The following CHRM3 variants were observed in gnomAD, a reference collection of about 807,000 sequenced individuals.
CHRM3 encodes muscarinic acetylcholine receptor M3.
A neutral mutation model predicts 41.8 loss-of-function variants in CHRM3; 11 were observed. That is an observed-to-expected ratio of 0.26 (90% CI 0.17 to 0.44). CHRM3 has a LOEUF of 0.44. Among genes scored for constraint, CHRM3 ranks in the 20% least tolerant of loss-of-function variants. The probability of loss-of-function intolerance (pLI) is 1.00; values close to 1 mark genes in which losing one functional copy is unlikely to be tolerated. For missense variants in CHRM3, 571 were observed against 745.4 expected (o/e 0.77, Z 2.72); for synonymous variants, 297 against 301.4 (o/e 0.99, Z 0.15).
chr1:239,761,963 G>C (rs1214491786), intron 5 of CHRM3, among the ~76,000 whole-genome samples: 2 of 152,114 alleles, frequency 1.3e-5, no homozygotes, highest in African/African-American at 4.8e-5. Context: ...TCCCTTCCCT[G>C]CACTGCAGCC....
chr1:239,640,586 G>A (rs959133011), intron 4 of CHRM3, among the ~76,000 whole-genome samples: 1 of 151,926 alleles, frequency 6.6e-6, no homozygotes, highest in Admixed American at 6.6e-5. Context: ...ATGGTAGTTT[G>A]TATTTCTGTG....
intron 1 of CHRM3, among the ~76,000 whole-genome samples, chr1:239,481,897 T>C (rs1666878237): frequency 6.6e-6 from 1 of 151,902 alleles, no homozygotes; most frequent in Admixed American, 6.6e-5. Context: ...TACTGTGGAG[T>C]GGAGGGAAGT....
chr1:239,509,386 T>TA (rs1668779611), intron 2 of CHRM3, among the ~76,000 whole-genome samples: 3 of 152,184 alleles, frequency 2.0e-5, no homozygotes, highest in African/African-American at 7.2e-5. Flanking sequence ...TATTTCTGTT[T>TA]ATATAAAGAG....
At chr1:239,854,235 A>T (rs962663651) in intron 6 of CHRM3, among the ~76,000 whole-genome samples, 9 of 152,094 alleles carry the variant, frequency 5.9e-5, no homozygotes, top group Admixed American at 2.6e-4. Flanking sequence ...TTGGAATATG[A>T]TTTTATTCTT....
chr1:239,394,907 C>T (rs545914558), intron 1 of CHRM3, among the ~76,000 whole-genome samples: 2 of 152,202 alleles, frequency 1.3e-5, no homozygotes, highest in East Asian at 1.9e-4. Context: ...TTACACTCAC[C>T]GAACAGCAAT....
intron 3 of CHRM3, among the ~76,000 whole-genome samples, chr1:239,581,470 G>GGGGGGGGGGGGGCCCCA: frequency 1.4e-5 from 1 of 72,126 alleles, no homozygotes; most frequent in South Asian, 4.6e-4. Context: ...GGGTGGGGGG[G>GGGGGGGGGGGGGCCCCA]ATGTATGTAT....
chr1:239,862,660 A>G (rs890765874), intron 6 of CHRM3, among the ~76,000 whole-genome samples: 6 of 152,204 alleles, frequency 3.9e-5, no homozygotes, highest in Non-Finnish European at 8.8e-5. Context: ...AGTACCTATT[A>G]TTTAGTAACA....
At chr1:239,675,339 G>C (rs1023934877) in intron 4 of CHRM3, among the ~76,000 whole-genome samples, 1 of 152,064 alleles carries the variant, frequency 6.6e-6, no homozygotes, top group Non-Finnish European at 1.5e-5. Context: ...TTGTTTTTCT[G>C]CTTCTTTGTC....
At chr1:239,831,349 G>A (rs1265271619) in intron 6 of CHRM3, among the ~76,000 whole-genome samples, 2 of 152,142 alleles carry the variant, frequency 1.3e-5, no homozygotes, top group Non-Finnish European at 2.9e-5. Flanking sequence ...CAAAACAGGA[G>A]AGCAGCCAAC....
intron 4 of CHRM3, among the ~76,000 whole-genome samples, chr1:239,650,650 G>C (rs184502248): frequency 1.4e-3 from 215 of 152,262 alleles, no homozygotes; most frequent in South Asian, 4.1e-3. Context: ...TTTCATTTGA[G>C]ATGATAAATT....
chr1:239,631,401 T>G (rs1382831828), intron 3 of CHRM3, among the ~76,000 whole-genome samples: 1 of 152,112 alleles, frequency 6.6e-6, no homozygotes, highest in Non-Finnish European at 1.5e-5. Context: ...CTCTTTTCAT[T>G]TGGTGTCACC....
chr1:239,655,543 A>G (rs961373859), intron 4 of CHRM3, among the ~76,000 whole-genome samples: 4 of 152,164 alleles, frequency 2.6e-5, no homozygotes, highest in African/African-American at 7.2e-5. Context: ...TAGAGCCCCA[A>G]ATTAAACATA....
chr1:239,848,845 G>T (rs117906323), intron 6 of CHRM3, among the ~76,000 whole-genome samples: 2 of 152,182 alleles, frequency 1.3e-5, no homozygotes, highest in East Asian at 3.9e-4. Flanking sequence ...ACTAACTATG[G>T]TATAAACGTG....
intron 1 of CHRM3, among the ~76,000 whole-genome samples, chr1:239,428,962 T>G (rs1228067317): frequency 6.6e-6 from 1 of 152,236 alleles, no homozygotes; most frequent in South Asian, 2.1e-4. Flanking sequence ...TAGCTGTTTC[T>G]GAGTATTTAT....
chr1:239,528,908 A>G (rs750551143), intron 2 of CHRM3, among the ~76,000 whole-genome samples: 1 of 152,236 alleles, frequency 6.6e-6, no homozygotes, highest in Non-Finnish European at 1.5e-5. Flanking sequence ...AGCAACAACA[A>G]CAAAAAAGAA....
intron 5 of CHRM3, among the ~76,000 whole-genome samples, chr1:239,752,406 G>T (rs912680419): frequency 6.6e-6 from 1 of 152,166 alleles, no homozygotes; most frequent in Non-Finnish European, 1.5e-5. Context: ...AGGTTGTAAG[G>T]AAATTGCCTG....
chr1:239,763,084 A>G (rs1666931787), intron 5 of CHRM3, among the ~76,000 whole-genome samples: 1 of 152,200 alleles, frequency 6.6e-6, no homozygotes, highest in South Asian at 2.1e-4. Context: ...GGAACCCATG[A>G]GGAAATCTTA....
At chr1:239,550,385 G>A (rs759632448) in intron 3 of CHRM3, among the ~76,000 whole-genome samples, 26 of 152,094 alleles carry the variant, frequency 1.7e-4, no homozygotes, top group Admixed American at 1.4e-3. Context: ...CCTCACTATG[G>A]TGTTAGCTGG....
Position 239,907,831 on chromosome 1 carries a change from C to T in CHRM3, c.380C>T (p.Thr127Ile). ...GTCATTTCAATGAATCTGTTTACGA[C>T]CTACATCATCATGAATCGATGGGCC... The part of the protein sequence containing the change: ...IGVISMNLFT[T>I]YIIMNRWALG... The change falls in exon 7 of 7, where the codon ACC (threonine) becomes ATC (isoleucine). Residue 127 changes from threonine to isoleucine, a missense_variant. Physicochemically the swap from Thr to Ile is moderately conservative, Grantham distance 89. Around this residue, in one of 5 missense-constraint regions of CHRM3, gnomAD observed 153 missense variants for 296.3 expected, o/e 0.52. Transcript: ENST00000676153. This position sits in a 1 kb window ranked among gnomAD's most constrained non-coding sequence, Gnocchi z 5.4. The T allele has an allele frequency of 6.2e-7, 1 of 1,614,218 alleles. No homozygotes were observed. Among genetic ancestry groups the T allele is most frequent in the South Asian group, 1.1e-5 (1 of 91,084 alleles).
Sources: allele counts gnomAD v4.1 joint callset (sites outside exome capture counted in the v4.1 genomes callset), GRCh38; gene constraint gnomAD v4.1.1; regional missense constraint gnomAD v4.1.1; non-coding constraint Gnocchi (gnomAD v3.1); transcripts MANE v1.5; gene names NCBI Gene and HGNC (gene_info 2026-07-23, HGNC 2026-07-21).